The following DENND10 variants were observed in gnomAD, a reference collection of about 807,000 sequenced individuals.
The protein encoded by DENND10 is DENN domain-containing protein 10.
DENND10 carries 24 observed loss-of-function variants against 43.6 expected under a neutral mutation model. That is an observed-to-expected ratio of 0.55 (90% confidence interval 0.40 to 0.77). The LOEUF (loss-of-function observed/expected upper bound fraction) is 0.77. DENND10 is among the 30% of genes least tolerant of loss of function. DENND10 has a pLI of 0.00. For missense variants in DENND10, 303 were observed against 429.9 expected, an observed-to-expected ratio of 0.70 and a Z score of 2.61; for synonymous variants, 125 against 157.6, an observed-to-expected ratio of 0.79 and a Z score of 1.55.
rs1845658260 is a variant in DENND10, at chr10:119,123,265, C to G, written c.594-204C>G. On this transcript the variant is annotated intron_variant, in intron 5 of 8. Transcript: ENST00000361432. ...GCCTGGGTGACGAGTGAAACTCCAT[C>G]TCAAAAAAATAAATAGTAAAACATT... Among the ~76,000 whole-genome samples, 3 of 152,114 alleles carry G rather than the reference C, an allele frequency of 2.0e-5. No homozygotes were observed. In the South Asian group the frequency reaches 6.2e-4, roughly 32 times the overall value.
At chr10:119,123,121 A>T (rs1406544004) in intron 5 of DENND10, among the ~76,000 whole-genome samples, 1 of 152,126 alleles carries the variant, frequency 6.6e-6, no homozygotes, top group Non-Finnish European at 1.5e-5. Context: ...TACAAACATT[A>T]ACCGGGCCGT....
intron 3 of DENND10, among the ~76,000 whole-genome samples, chr10:119,116,102 C>T (rs1020851472): frequency 1.3e-5 from 2 of 152,034 alleles, no homozygotes; most frequent in Non-Finnish European, 2.9e-5. Context: ...ATTTTCTTCC[C>T]GATTTTCTAT....
At chr10:119,105,059 G>A (rs920074345) in intron 1 of DENND10, 2 of 152,216 alleles carry the variant, frequency 1.3e-5, no homozygotes, top group Non-Finnish European at 2.9e-5. Context: ...ATCACACGGG[G>A]ATCTTTGGGC....
intron 2 of DENND10, 95 bp from the exon 3 acceptor site, chr10:119,111,754 T>C: frequency 1.0e-6 from 1 of 954,692 alleles, no homozygotes. Flanking sequence ...TTAATACTGT[T>C]GTGTCTTATA....
intron 6 of DENND10, among the ~76,000 whole-genome samples, chr10:119,123,896 TA>T (rs950984265): frequency 7.3e-5 from 11 of 150,840 alleles, no homozygotes; most frequent in Non-Finnish European, 1.3e-4. Flanking sequence ...TTTTTTAGTT[TA>T]AAAAAAAATT....
chr10:119,112,663 T>C (rs1845034129), intron 3 of DENND10, among the ~76,000 whole-genome samples: 1 of 151,650 alleles, frequency 6.6e-6, no homozygotes, highest in Non-Finnish European at 1.5e-5. Context: ...CTAGCCAATT[T>C]TTTATATTTT....
chr10:119,131,390 A>G (rs10886396), intron 7 of DENND10, among the ~76,000 whole-genome samples: 96,426 of 152,014 alleles, frequency 0.63, 31,092 homozygotes, highest in African/African-American at 0.72. Flanking sequence ...CCCGGGAGGC[A>G]GAGCTTGCAG....
chr10:119,106,371 GTC>G (rs745698432), intron 1 of DENND10, among the ~76,000 whole-genome samples: 14 of 152,158 alleles, frequency 9.2e-5, no homozygotes, highest in South Asian at 6.2e-4. Flanking sequence ...TAGAGACAGG[GTC>G]TCTCTCTGTT....
At chr10:119,134,489 C>G (rs1846221738) in intron 8 of DENND10, 1 of 152,282 alleles carries the variant, frequency 6.6e-6, no homozygotes, top group African/African-American at 2.4e-5. Context: ...TAGCTGGGAC[C>G]ATAGGCATGC....
intron 8 of DENND10, chr10:119,134,792 G>A (rs1229386677): frequency 2.6e-5 from 4 of 152,202 alleles, no homozygotes; most frequent in African/African-American, 9.6e-5. Context: ...AACAATAGCA[G>A]CATTTCTCAA....
At chr10:119,129,698 C>T in intron 7 of DENND10, 76 bp downstream of exon 7, 2 of 1,061,982 alleles carry the variant, frequency 1.9e-6, no homozygotes, top group South Asian at 1.3e-5. Context: ...TCTCTAAAAC[C>T]AGTATGTGAG....
intron 3 of DENND10, among the ~76,000 whole-genome samples, chr10:119,115,550 GC>G (rs1438615865): frequency 2.9e-4 from 27 of 94,016 alleles, no homozygotes. Context: ...ACTACGCCCG[GC>G]TAATTTTTTT....
chr10:119,127,828 T>A (rs1004666334), intron 6 of DENND10, among the ~76,000 whole-genome samples: 2 of 151,838 alleles, frequency 1.3e-5, no homozygotes, highest in African/African-American at 4.8e-5. Context: ...CAGGGTTTCA[T>A]CATGTTGGCC....
intron 5 of DENND10, among the ~76,000 whole-genome samples, chr10:119,123,045 G>A (rs1020887984): frequency 4.6e-5 from 7 of 152,078 alleles, no homozygotes; most frequent in Admixed American, 3.3e-4. Context: ...AGGCAGGTGG[G>A]TCACCTGAGG....
chr10:119,119,864 C>G (rs1426043283), intron 4 of DENND10, among the ~76,000 whole-genome samples: 1 of 151,930 alleles, frequency 6.6e-6, no homozygotes, highest in Non-Finnish European at 1.5e-5. Context: ...GAGCACACGT[C>G]CTGGGAAGCT....
chr10:119,113,595 AG>A (rs1845088571), intron 3 of DENND10, among the ~76,000 whole-genome samples: 1 of 151,112 alleles, frequency 6.6e-6, no homozygotes, highest in Non-Finnish European at 1.5e-5. Context: ...GGGGGCACTG[AG>A]GGTGAAGGGA....
chr10:119,109,776 G>A (rs911602734), intron 2 of DENND10, among the ~76,000 whole-genome samples: 14 of 150,828 alleles, frequency 9.3e-5, no homozygotes, highest in Admixed American at 2.6e-4. Context: ...TCGCCACCAC[G>A]TCCAGCTAAT....
At chr10:119,113,751 A>G (rs902783409) in intron 3 of DENND10, among the ~76,000 whole-genome samples, 1 of 151,906 alleles carries the variant, frequency 6.6e-6, no homozygotes, top group Admixed American at 6.6e-5. Context: ...TAAGGGTTTC[A>G]GTTAGATTAT....
At chr10:119,120,560 T>A in intron 5 of DENND10, 108 bp downstream of exon 5, 1 of 722,564 alleles carries the variant, frequency 1.4e-6, no homozygotes, top group East Asian at 2.6e-5. Context: ...AAATAGCATG[T>A]GGTGAAATAC....
Sources: gnomAD v4.1 joint callset for allele counts (sites outside exome capture counted in the v4.1 genomes callset) on GRCh38, gnomAD v4.1.1 for gene constraint, MANE v1.5 for transcripts, NCBI Gene and HGNC (gene_info 2026-07-23, HGNC 2026-07-21) for gene names.